The following LMAN2 variants were observed in gnomAD, a reference collection of about 807,000 sequenced individuals.
LMAN2 encodes the protein lectin, mannose binding 2.
In LMAN2, 22 loss-of-function variants were observed where a neutral mutation model predicts 39.3. The observed-to-expected ratio is 0.56, with a 90% CI of 0.40 to 0.80. LMAN2 has a LOEUF of 0.80. Ranked by LOEUF, LMAN2 falls within the 30% of genes least tolerant of loss-of-function variation. The pLI is 0.00. For synonymous variants in LMAN2, 207 were observed against 207.8 expected, an observed-to-expected ratio of 1.00 and a Z score of 0.03; for missense variants, 494 against 505.4, an observed-to-expected ratio of 0.98 and a Z score of 0.22.
At chr5:177,333,202 CCTCT>C (rs1375413899) in intron 7 of LMAN2, among the ~76,000 whole-genome samples, 4 of 152,360 alleles carry the variant, frequency 2.6e-5, no homozygotes, top group Non-Finnish European at 2.9e-5. Flanking sequence ...CTCACAGCTC[CCTCT>C]GTCTCCCTGT....
At position 177,337,626 on chromosome 5, in the gene LMAN2, A is replaced by G; in HGVS notation, c.513+80T>C. On this transcript the variant is annotated intron_variant, in intron 4 of 7. Transcript: ENST00000303127. This position sits in a 1 kb window ranked among gnomAD's most constrained non-coding sequence, Gnocchi z 8.2. Reference sequence around the variant, plus strand: ...TGGAGGCTCCTCTTGTGCTGGGACCATGGAAGTCCCAGGGCCCCCTCCTCT... The same window carrying G: ...TGGAGGCTCCTCTTGTGCTGGGACCGTGGAAGTCCCAGGGCCCCCTCCTCT... The G allele has an allele frequency of 1.2e-6, 2 of 1,601,320 alleles. No individual in the cohort carries two copies. Among genetic ancestry groups the G allele is most frequent in the Non-Finnish European group, 8.5e-7 (1 of 1,171,426 alleles).
Position 177,332,866 on chromosome 5 carries a change from G to A in LMAN2, c.911-620C>T, listed in dbSNP as rs984665693. Among the ~76,000 whole-genome samples the A allele has an allele frequency of 6.6e-6, 1 of 152,160 alleles. No individual in the cohort carries two copies. Among genetic ancestry groups the A allele is most frequent in the Admixed American group, 6.5e-5 (1 of 15,282 alleles). On this transcript the variant is annotated intron_variant, in intron 7 of 7. Coordinates refer to ENST00000303127, the MANE Select transcript of LMAN2 (RefSeq NM_006816.3). This position sits in a 1 kb window ranked among gnomAD's most constrained non-coding sequence, Gnocchi z 6.3. The stretch of plus-strand genomic sequence containing the variant: ...CAAGCTCTCCAGGCTGTGGGTGGAG[G>A]AGCTGGGGTCTGGCTGGGCCCTGTT...
chr5:177,351,039 G>A (rs1317631647), intron 2 of LMAN2, 134 bp downstream of exon 2: 1 of 764,244 alleles, frequency 1.3e-6, no homozygotes, highest in East Asian at 2.5e-5. Flanking sequence ...TATTATTGGT[G>A]GGTGTGACCG....
chr5:177,347,758 T>C (rs1164828260), intron 2 of LMAN2, among the ~76,000 whole-genome samples: 1 of 152,138 alleles, frequency 6.6e-6, no homozygotes, highest in African/African-American at 2.4e-5. Flanking sequence ...TGATAAAAGA[T>C]CACTGCATGA....
rs748686594 is a variant in LMAN2 at position 177,334,301 on chromosome 5, A to G, written c.893T>C (p.Phe298Ser). Residue 298 changes from phenylalanine (F) to serine (S), a missense_variant, in exon 7 of 8, where the codon TTC becomes TCC. Coordinates refer to ENST00000303127, the MANE Select transcript of LMAN2 (RefSeq NM_006816.3). ...ACACGCACCTTTGGGCGACTTGAGG[A>G]AGTTGACGCTGGGCTCGATCTTGGT... ...DWTKIEPSVNFLKSPKDNVDD... is the reference protein window; with the variant it reads ...DWTKIEPSVNSLKSPKDNVDD... 37 of 1,612,282 alleles carry G rather than the reference A, an allele frequency of 2.3e-5. No homozygotes were observed. Among genetic ancestry groups the G allele is most frequent in the Non-Finnish European group, 2.9e-5 (34 of 1,179,886 alleles).
intron 2 of LMAN2, among the ~76,000 whole-genome samples, chr5:177,343,959 C>T (rs1461496803): frequency 3.3e-5 from 5 of 152,058 alleles, no homozygotes; most frequent in Admixed American, 3.3e-4. Context: ...CCTGTAATCC[C>T]AGCACTTTGG....
At chr5:177,335,449 C>T (rs972409372) in intron 6 of LMAN2, among the ~76,000 whole-genome samples, 23 of 152,346 alleles carry the variant, frequency 1.5e-4, no homozygotes, top group Admixed American at 1.1e-3. Flanking sequence ...TGGTCAGACA[C>T]GGCTCCCCTC....
In LMAN2 at chr5:177,332,296, CA is replaced by C. The variant is rs1259304589; in HGVS notation, c.911-51del. On this transcript the variant is annotated intron_variant, in intron 7 of 7. Coordinates refer to ENST00000303127, the MANE Select transcript of LMAN2 (RefSeq NM_006816.3). This position sits in a 1 kb window ranked among gnomAD's most constrained non-coding sequence, Gnocchi z 6.3. Reference sequence around the variant, plus strand: ...TGAAACGGCAGCACGGGCCGGGGATCAGGGGGCTGCAGGAGGGCAGTGGGGA... The same window carrying C: ...TGAAACGGCAGCACGGGCCGGGGATCGGGGGCTGCAGGAGGGCAGTGGGGA... The C allele has an allele frequency of 1.9e-6, 3 of 1,554,108 alleles. No homozygotes were observed. In the African/African-American group the frequency reaches 4.1e-5, roughly 21 times the overall value.
chr5:177,340,763 CT>C (rs1391451674), intron 2 of LMAN2, among the ~76,000 whole-genome samples: 21 of 149,090 alleles, frequency 1.4e-4, no homozygotes, highest in Middle Eastern at 3.4e-3. Flanking sequence ...GAGTGAGACT[CT>C]TTCTCAAAAA....
chr5:177,340,208 G>A (rs544962463), intron 2 of LMAN2, among the ~76,000 whole-genome samples: 53 of 152,110 alleles, frequency 3.5e-4, no homozygotes, highest in Non-Finnish European at 6.0e-4. Context: ...AGGGATAGAG[G>A]AAACAGCAAC....
intron 6 of LMAN2, 121 bp from the exon 7 acceptor site, chr5:177,334,524 A>T: frequency 7.4e-7 from 1 of 1,355,080 alleles, no homozygotes; most frequent in Non-Finnish European, 9.8e-7. Context: ...CCCTGGGGAG[A>T]GCACTGCCCA....
At chr5:177,338,392 A>G in intron 3 of LMAN2, 96 bp downstream of exon 3, 11 of 940,720 alleles carry the variant, frequency 1.2e-5, no homozygotes, top group Non-Finnish European at 1.7e-5. Flanking sequence ...GCTGGTCCCC[A>G]CGAGCCACAG....
At chr5:177,335,762 G>A (rs1761460068) in intron 6 of LMAN2, among the ~76,000 whole-genome samples, 1 of 152,212 alleles carries the variant, frequency 6.6e-6, no homozygotes, top group South Asian at 2.1e-4. Flanking sequence ...CTTCCATGCT[G>A]AGAGAGGAGG....
chr5:177,335,251 A>T (rs1197182953), intron 6 of LMAN2, among the ~76,000 whole-genome samples: 6 of 152,224 alleles, frequency 3.9e-5, no homozygotes, highest in Non-Finnish European at 8.8e-5. Context: ...CAGGACAAGG[A>T]CCGGCCCTGG....
At chr5:177,340,997 C>T (rs905769093) in intron 2 of LMAN2, among the ~76,000 whole-genome samples, 11 of 151,752 alleles carry the variant, frequency 7.2e-5, no homozygotes, top group Admixed American at 5.9e-4. Context: ...CCTTGTGATC[C>T]GCCCACCTCA....
intron 2 of LMAN2, among the ~76,000 whole-genome samples, chr5:177,340,912 A>G (rs1317656408): frequency 3.3e-5 from 5 of 150,262 alleles, no homozygotes; most frequent in Non-Finnish European, 7.4e-5. Context: ...CCGCCACCAC[A>G]CCCGGCTAAT....
chr5:177,340,716 G>A (rs934514305), intron 2 of LMAN2, among the ~76,000 whole-genome samples: 2 of 151,818 alleles, frequency 1.3e-5, no homozygotes, highest in African/African-American at 4.8e-5. Context: ...GTTGCAGTGA[G>A]CCGAGATTGT....
rs764916616 is a variant in LMAN2, at chr5:177,332,205, G to C, written c.952C>G (p.Leu318Val). 2 of 1,613,292 alleles carry C rather than the reference G, an allele frequency of 1.2e-6. No individual in the cohort carries two copies. Among genetic ancestry groups the C allele is most frequent in the East Asian group, 2.2e-5 (1 of 44,868 alleles). Reference sequence around the variant, plus strand: ...AGCAGGAACACCCGCCACCCCGTCAGGGGCCCGCTGCGGAAGTTCCCCGTG... The same window carrying C: ...AGCAGGAACACCCGCCACCCCGTCACGGGCCCGCTGCGGAAGTTCCCCGTG... The part of the protein sequence containing the change: ...DPTGNFRSGP[L>V]TGWRVFLLLL... Residue 318 changes from leucine to valine, a missense_variant, in exon 8 of 8, where the codon CTG (leucine) becomes GTG (valine). Physicochemically the swap from Leu to Val is conservative, Grantham distance 32. Transcript: ENST00000303127. The surrounding 1 kb of genome is among the most constrained non-coding windows in gnomAD (Gnocchi z 6.3).
chr5:177,348,497 G>A (rs905509004), intron 2 of LMAN2, among the ~76,000 whole-genome samples: 2 of 151,840 alleles, frequency 1.3e-5, no homozygotes, highest in African/African-American at 2.4e-5. Context: ...GACCAGCCTC[G>A]CAAACATGGC....
Sources: gnomAD v4.1 joint callset for allele counts (sites outside exome capture counted in the v4.1 genomes callset) on GRCh38, gnomAD v4.1.1 for gene constraint, Gnocchi (gnomAD v3.1) non-coding constraint, MANE v1.5 for transcripts, NCBI Gene and HGNC (gene_info 2026-07-23, HGNC 2026-07-21) for gene names.